The following OPHN1 variants were observed in gnomAD, a reference collection of about 807,000 sequenced individuals.
OPHN1 encodes oligophrenin 1.
Under a neutral mutation model 60.7 loss-of-function variants are expected in OPHN1, and 11 were observed. The ratio of observed to expected loss-of-function variants is 0.18; its 90% CI spans 0.11 to 0.30. The LOEUF is 0.30. Among genes scored for constraint, OPHN1 ranks in the 10% least tolerant of loss-of-function variants. The pLI is 1.00. For synonymous variants in OPHN1, 226 were observed against 222.6 expected (o/e 1.02, Z -0.14); for missense variants, 449 against 611.0 (o/e 0.73, Z 2.80).
At chrX:68,067,214 G>A (rs2076916174) in intron 20 of OPHN1, among the ~76,000 whole-genome samples, 1 of 112,202 alleles carries the variant, frequency 8.9e-6, no homozygotes, top group South Asian at 3.7e-4. Context: ...TTTAAGCTGG[G>A]CCTTGAAGAA....
At chrX:68,182,101 C>G (rs1361242155) in intron 15 of OPHN1, among the ~76,000 whole-genome samples, 2 of 109,961 alleles carry the variant, frequency 1.8e-5, no homozygotes, top group East Asian at 5.7e-4. Flanking sequence ...AATGGCTACA[C>G]CTTAGGCACC....
chrX:68,059,527 G>C (rs910994449), intron 21 of OPHN1, among the ~76,000 whole-genome samples: 15 of 111,817 alleles, frequency 1.3e-4, no homozygotes, highest in African/African-American at 4.9e-4. Flanking sequence ...AAGAAAAGTA[G>C]AGAATAAAAA....
intron 5 of OPHN1, among the ~76,000 whole-genome samples, chrX:68,244,427 G>A (rs1449265672): frequency 8.9e-6 from 1 of 111,778 alleles, no homozygotes; most frequent in African/African-American, 3.3e-5. Context: ...CCACCCTCTG[G>A]CACACCACTA....
intron 15 of OPHN1, among the ~76,000 whole-genome samples, chrX:68,190,804 C>T (rs772366102): frequency 2.7e-5 from 3 of 112,299 alleles, no homozygotes; most frequent in Admixed American, 9.4e-5. Flanking sequence ...TGCTGGACCA[C>T]GATGTCAGCT....
At chrX:68,252,017 A>G (rs1472818192) in intron 5 of OPHN1, among the ~76,000 whole-genome samples, 1 of 111,980 alleles carries the variant, frequency 8.9e-6, no homozygotes, top group African/African-American at 3.3e-5. Flanking sequence ...GTAAGGAAGC[A>G]ATGGTAGGCT....
intron 15 of OPHN1, among the ~76,000 whole-genome samples, chrX:68,146,732 T>C (rs1055325330): frequency 8.9e-6 from 1 of 112,547 alleles, no homozygotes; most frequent in Middle Eastern, 4.6e-3. Context: ...AAATGGAAAG[T>C]ACACTCCTCT....
chrX:68,344,441 A>G (rs1406363916), intron 2 of OPHN1, among the ~76,000 whole-genome samples: 1 of 108,046 alleles, frequency 9.3e-6, no homozygotes, highest in Non-Finnish European at 1.9e-5. Flanking sequence ...GTGAAACCCC[A>G]CCTTTACAAA....
At chrX:68,114,810 T>C (rs1331127951) in intron 16 of OPHN1, among the ~76,000 whole-genome samples, 1 of 111,580 alleles carries the variant, frequency 9.0e-6, no homozygotes, top group Non-Finnish European at 1.9e-5. Flanking sequence ...TGAAAAATAT[T>C]AAAGAAAGAA....
intron 14 of OPHN1, 64 bp downstream of exon 14, chrX:68,193,826 T>C: frequency 1.0e-6 from 1 of 957,132 alleles, no homozygotes; most frequent in Non-Finnish European, 1.5e-6. Flanking sequence ...TTCAGAGAAA[T>C]TGCCCAGGAT....
At chrX:68,341,984 T>G (rs1199684052) in intron 2 of OPHN1, among the ~76,000 whole-genome samples, 3 of 102,793 alleles carry the variant, frequency 2.9e-5, no homozygotes, top group Admixed American at 2.1e-4. Context: ...TTTTTTTTTT[T>G]TTTGAGACAC....
At chrX:68,192,859 C>A in intron 15 of OPHN1, 60 bp downstream of exon 15, 1 of 911,270 alleles carries the variant, frequency 1.1e-6, no homozygotes, top group South Asian at 2.0e-5. Context: ...CTCTTCCAGT[C>A]ACATTTCTTT....
At chrX:68,379,506 C>G (rs1489030225) in intron 2 of OPHN1, among the ~76,000 whole-genome samples, 3 of 103,991 alleles carry the variant, frequency 2.9e-5, no homozygotes, top group Admixed American at 1.1e-4. Flanking sequence ...CTGTCTTGTG[C>G]CAGTTTTCAA....
At chrX:68,278,590 A>G (rs1373675575) in intron 4 of OPHN1, among the ~76,000 whole-genome samples, 2 of 113,619 alleles carry the variant, frequency 1.8e-5, no homozygotes, top group Non-Finnish European at 3.7e-5. Context: ...ATGAAATATC[A>G]AAAGAGAGCA....
At chrX:68,415,695 T>C (rs1006796118) in intron 2 of OPHN1, among the ~76,000 whole-genome samples, 2 of 111,697 alleles carry the variant, frequency 1.8e-5, no homozygotes, top group Admixed American at 9.6e-5. Context: ...TATTACCCAA[T>C]TGTATAATAC....
At position 68,351,074 on chromosome X, in the gene OPHN1, G is replaced by A. The variant is rs909210511; in HGVS notation, c.155-51978C>T. ...CTCCTGAGTAGCTGGGATTACAGGC[G>A]AGCACCACCACGCCCAGCTAATTTT... On this transcript the variant is annotated intron_variant, in intron 2 of 24. Coordinates refer to ENST00000355520, the MANE Select transcript of OPHN1 (RefSeq NM_002547.3). Among the ~76,000 whole-genome samples the A allele has an allele frequency of 1.5e-4, 17 of 110,763 alleles. No individual in the cohort carries two copies. The East Asian group carries it at 4.8e-3, about 32-fold the overall frequency.
chrX:68,325,551 A>T (rs1457801047), intron 2 of OPHN1, among the ~76,000 whole-genome samples: 6 of 95,789 alleles, frequency 6.3e-5, no homozygotes, highest in Non-Finnish European at 1.0e-4. Flanking sequence ...CATGGATTAT[A>T]ATCTAAATGT....
intron 17 of OPHN1, 136 bp downstream of exon 17, chrX:68,113,045 C>T: frequency 6.3e-6 from 3 of 476,875 alleles, no homozygotes; most frequent in Non-Finnish European, 1.1e-5. Flanking sequence ...TTTCATTTGG[C>T]AGTTGTGCAT....
At chrX:68,227,090 A>T (rs985989654) in intron 6 of OPHN1, among the ~76,000 whole-genome samples, 1 of 111,593 alleles carries the variant, frequency 9.0e-6, no homozygotes, top group African/African-American at 3.3e-5. Flanking sequence ...AAACAAAAAA[A>T]GGCATGGGTT....
intron 2 of OPHN1, among the ~76,000 whole-genome samples, chrX:68,318,958 A>G (rs1431717957): frequency 4.5e-5 from 5 of 111,866 alleles, no homozygotes; most frequent in African/African-American, 1.6e-4. Flanking sequence ...ATAAAGTGCC[A>G]CTGTCATACA....
Sources: allele counts gnomAD v4.1 joint callset (sites outside exome capture counted in the v4.1 genomes callset), GRCh38; gene constraint gnomAD v4.1.1; transcripts MANE v1.5; gene names NCBI Gene and HGNC (gene_info 2026-07-23, HGNC 2026-07-21).